The following LINGO1 variants were observed in gnomAD, a reference collection of about 807,000 sequenced individuals.
LINGO1 encodes leucine-rich repeat and immunoglobulin-like domain-containing nogo receptor-interacting protein 1.
A neutral mutation model predicts 37.3 loss-of-function variants in LINGO1; 11 were observed. The observed-to-expected ratio is 0.29, with a 90% CI of 0.19 to 0.49. The LOEUF is 0.49. Ranked by LOEUF, LINGO1 falls within the 20% of genes least tolerant of loss-of-function variation. LINGO1 has a pLI of 0.99. For missense variants in LINGO1, 585 were observed against 878.2 expected, an observed-to-expected ratio of 0.67 and a Z score of 4.22; for synonymous variants, 387 against 403.0, an observed-to-expected ratio of 0.96 and a Z score of 0.48.
intron 3 of LINGO1, among the ~76,000 whole-genome samples, chr15:77,646,816 T>TG (rs1397521860): frequency 1.3e-5 from 2 of 150,850 alleles, no homozygotes; most frequent in Admixed American, 6.5e-5. Flanking sequence ...AAAGGAGGCC[T>TG]GGGAAACATT....
At chr15:77,817,467 G>C (rs1001798474) in intron 1 of LINGO1, among the ~76,000 whole-genome samples, 3 of 152,174 alleles carry the variant, frequency 2.0e-5, no homozygotes, top group Non-Finnish European at 2.9e-5. Context: ...GAGTGATTCG[G>C]ATCCCTGGGA....
chr15:77,692,022 G>A (rs1175326799), intron 1 of LINGO1, among the ~76,000 whole-genome samples: 6 of 152,158 alleles, frequency 3.9e-5, no homozygotes, highest in African/African-American at 1.2e-4. Flanking sequence ...GGAGAGTGTG[G>A]GCAGAGTGGG....
chr15:77,696,272 C>T (rs2141262775), intron 1 of LINGO1: 1 of 152,398 alleles, frequency 6.6e-6, no homozygotes, highest in South Asian at 2.1e-4. Context: ...CCCACACCCC[C>T]ACCCTGGAGA....
At chr15:77,801,897 A>C (rs912528367) in intron 1 of LINGO1, among the ~76,000 whole-genome samples, 2 of 152,220 alleles carry the variant, frequency 1.3e-5, no homozygotes, top group African/African-American at 4.8e-5. Context: ...CGGGCCTCCC[A>C]GGCGAGGGTC....
intron 1 of LINGO1, among the ~76,000 whole-genome samples, chr15:77,622,093 A>G (rs1167422980): frequency 6.6e-6 from 1 of 152,110 alleles, no homozygotes. Context: ...GGGCAGCAGG[A>G]GAGAGGGAGC....
intron 2 of LINGO1, among the ~76,000 whole-genome samples, chr15:77,710,031 CAGAGA>C (rs1473456978): frequency 2.0e-5 from 3 of 152,210 alleles, no homozygotes; most frequent in African/African-American, 7.2e-5. Flanking sequence ...GGAGTTGGAG[CAGAGA>C]AGAGGAGTCC....
intron 1 of LINGO1, among the ~76,000 whole-genome samples, chr15:77,817,048 AG>A (rs5813886): frequency 0.78 from 117,925 of 152,098 alleles, 48,263 homozygotes; most frequent in Non-Finnish European, 0.89. Flanking sequence ...AGGGAGGAGC[AG>A]GGAGAGGCAG....
chr15:77,652,848 G>T (rs1049045837), intron 3 of LINGO1, among the ~76,000 whole-genome samples: 1 of 152,184 alleles, frequency 6.6e-6, no homozygotes, highest in Non-Finnish European at 1.5e-5. Context: ...CTTCCTGGAG[G>T]GAGTGTGCCT....
chr15:77,704,096 G>A (rs776228252), intron 2 of LINGO1, among the ~76,000 whole-genome samples: 3 of 152,160 alleles, frequency 2.0e-5, no homozygotes, highest in Non-Finnish European at 4.4e-5. Context: ...CCTGTAAGAT[G>A]AGGGCAATAA....
At chr15:77,764,660 A>C (rs1482246823) in intron 1 of LINGO1, among the ~76,000 whole-genome samples, 1 of 152,214 alleles carries the variant, frequency 6.6e-6, no homozygotes, top group Non-Finnish European at 1.5e-5. Flanking sequence ...ACAGCTAAAA[A>C]GCCAGAGAGT....
At chr15:77,687,340 G>A (rs938794324) in intron 2 of LINGO1, among the ~76,000 whole-genome samples, 11 of 152,198 alleles carry the variant, frequency 7.2e-5, no homozygotes, top group Non-Finnish European at 1.5e-4. Context: ...GTGGGGCTGG[G>A]GTCAGGTCTT....
chr15:77,637,656 G>A (rs1213411597), upstream of LINGO1, among the ~76,000 whole-genome samples: 1 of 152,070 alleles, frequency 6.6e-6, no homozygotes, highest in Non-Finnish European at 1.5e-5. The surrounding 1 kb of genome is among the most constrained non-coding windows in gnomAD (Gnocchi z 4.6). Context: ...CATACTGACT[G>A]TCATGGTCAC....
intron 1 of LINGO1, among the ~76,000 whole-genome samples, chr15:77,766,308 A>AAAAAAAC (rs1166723920): frequency 0.031 from 4,468 of 146,464 alleles, 307 homozygotes; most frequent in African/African-American, 0.11. Flanking sequence ...AAAAAAAAAA[A>AAAAAAAC]AAAAAAAAAC....
intron 1 of LINGO1, among the ~76,000 whole-genome samples, chr15:77,622,515 C>T (rs748150819): frequency 8.5e-5 from 13 of 152,204 alleles, no homozygotes; most frequent in African/African-American, 1.2e-4. Flanking sequence ...TGAGGGGACT[C>T]ACGCCGGATC....
At chr15:77,816,974 T>TGA (rs5813885) in intron 1 of LINGO1, among the ~76,000 whole-genome samples, 4 of 150,816 alleles carry the variant, frequency 2.7e-5, no homozygotes, top group Admixed American at 6.6e-5. Context: ...GAAGAGGAGC[T>TGA]GAGAGAGAGA....
At chr15:77,700,986 G>A (rs569837130), upstream of LINGO1, among the ~76,000 whole-genome samples, 405 of 152,322 alleles carry the variant, frequency 2.7e-3, no homozygotes, top group Middle Eastern at 0.01. Flanking sequence ...CCAGGGGCAG[G>A]AGGAAAGCGG....
intron 2 of LINGO1, among the ~76,000 whole-genome samples, chr15:77,716,016 T>A (rs897634587): frequency 9.2e-5 from 14 of 152,210 alleles, no homozygotes; most frequent in Admixed American, 6.5e-4. Context: ...ATACTTAACA[T>A]GCATTTACTA....
intron 1 of LINGO1, among the ~76,000 whole-genome samples, chr15:77,736,863 G>A (rs1178521693): frequency 6.6e-6 from 1 of 152,240 alleles, no homozygotes; most frequent in African/African-American, 2.4e-5. Flanking sequence ...TAAGCCGCCT[G>A]AGTTTACAGC....
In LINGO1 at chr15:77,761,085, C is replaced by T. The variant is rs1185131567; in HGVS notation, c.-257+25784G>A. 1.3e-4 allele frequency among the ~76,000 whole-genome samples: 19 copies of T among 151,228 alleles called. 1 individual carries two copies. The highest frequency in any genetic ancestry group is 1.2e-3 in the Admixed American group (19 of 15,210). On this transcript the variant is annotated intron_variant, in intron 1 of 3. Transcript: ENST00000561686. ...GAGACTACAGGTGCGTGCCACCATG[C>T]CTGGCTAATTTTTTTTTTTTTTGTA... is the stretch of plus-strand genomic sequence containing the variant.
Sources: gnomAD v4.1 joint callset for allele counts (sites outside exome capture counted in the v4.1 genomes callset) on GRCh38, gnomAD v4.1.1 for gene constraint, Gnocchi (gnomAD v3.1) non-coding constraint, MANE v1.5 for transcripts, NCBI Gene and HGNC (gene_info 2026-07-23, HGNC 2026-07-21) for gene names.